BPTF: variants seen among roughly 807,000 people sequenced by gnomAD.
BPTF encodes the protein nucleosome-remodeling factor subunit BPTF.
BPTF carries 18 observed loss-of-function variants against 292.5 expected under a neutral mutation model. The ratio of observed to expected loss-of-function variants is 0.06; its 90% CI spans 0.04 to 0.09. The LOEUF (loss-of-function observed/expected upper bound fraction) is 0.09, where lower values mean the gene tolerates loss of function less well. Ranked by LOEUF, BPTF falls within the 10% of genes least tolerant of loss-of-function variation. The probability of loss-of-function intolerance (pLI) is 1.00; values close to 1 mark genes in which losing one functional copy is unlikely to be tolerated. For synonymous variants in BPTF, 1,225 were observed against 1,251.9 expected, an observed-to-expected ratio of 0.98 and a Z score of 0.45; for missense variants, 2,726 against 3,498.7, an observed-to-expected ratio of 0.78 and a Z score of 5.57.
At chr17:67,888,301 G>T (rs1024445284) in intron 4 of BPTF, among the ~76,000 whole-genome samples, 2 of 151,906 alleles carry the variant, frequency 1.3e-5, no homozygotes, top group African/African-American at 4.8e-5. Flanking sequence ...AATTTCAGTA[G>T]ATCTGGGCCG....
intron 2 of BPTF, among the ~76,000 whole-genome samples, chr17:67,858,516 C>T (rs949413228): frequency 2.1e-5 from 3 of 142,472 alleles, no homozygotes; most frequent in African/African-American, 8.1e-5. Flanking sequence ...GATGGCGCCA[C>T]TGTACTCCAG....
At chr17:67,909,188 GTTTT>G in intron 9 of BPTF, among the ~76,000 whole-genome samples, 1 of 118,686 alleles carries the variant, frequency 8.4e-6, no homozygotes, top group East Asian at 2.7e-4. Flanking sequence ...ACAGTTTTTT[GTTTT>G]TTTTTTAATT....
At chr17:67,923,469 GTCTTTTT>G (rs2063603727) in intron 14 of BPTF, among the ~76,000 whole-genome samples, 1 of 108,470 alleles carries the variant, frequency 9.2e-6, no homozygotes, top group African/African-American at 3.6e-5. Flanking sequence ...CTCTCTCTCT[GTCTTTTT>G]TTTTTTTTTT....
intron 7 of BPTF, among the ~76,000 whole-genome samples, chr17:67,894,571 G>A (rs2061326112): frequency 2.0e-5 from 3 of 152,070 alleles, no homozygotes; most frequent in African/African-American, 7.2e-5. Flanking sequence ...CTTGTGATCT[G>A]CCCTCCTCGG....
chr17:67,974,678 G>A (rs6416955), intron 26 of BPTF: 137,538 of 152,340 alleles, frequency 0.9, 63,729 homozygotes, highest in East Asian at 1. Context: ...TAGGCTTACC[G>A]GTTTCTCAAG....
intron 4 of BPTF, chr17:67,886,387 G>T: frequency 1.8e-6 from 2 of 1,100,402 alleles, no homozygotes; most frequent in Non-Finnish European, 2.4e-6. Context: ...GTGTGTGTGT[G>T]TGTGGTTTTT....
chr17:67,865,838 C>T (rs2059360685), intron 2 of BPTF, among the ~76,000 whole-genome samples: 4 of 152,184 alleles, frequency 2.6e-5, no homozygotes, highest in Admixed American at 2.6e-4. Flanking sequence ...CTCTTCTCTC[C>T]AGTTTGGGCT....
At chr17:67,848,552 A>G (rs2058193078) in intron 1 of BPTF, among the ~76,000 whole-genome samples, 1 of 152,224 alleles carries the variant, frequency 6.6e-6, no homozygotes, top group African/African-American at 2.4e-5. Flanking sequence ...TCAGCAAAGT[A>G]AGGCAATTTC....
In BPTF at chr17:67,940,624, A is replaced by G. The variant is rs1555671544; in HGVS notation, c.6445A>G (p.Met2149Val). ...CCAACAAGGACAAGTGAAGCTCACC[A>G]TGGCTCAACTTACTCAGTTAACACA... ...RPQQGQVKLTMAQLTQLTQGH... is the reference protein window; with the variant it reads ...RPQQGQVKLTVAQLTQLTQGH... The change falls in exon 19 of 28, where the codon ATG becomes GTG. Residue 2149 changes from methionine to valine, a missense_variant. Coordinates refer to ENST00000306378, the MANE Select transcript of BPTF (RefSeq NM_182641.4). The G allele has an allele frequency of 6.2e-6, 10 of 1,614,074 alleles. No homozygotes were observed. Among genetic ancestry groups the G allele is most frequent in the South Asian group, 2.2e-5 (2 of 91,094 alleles).
chr17:67,967,328 G>A (rs1357882985), intron 26 of BPTF, among the ~76,000 whole-genome samples: 1 of 150,378 alleles, frequency 6.6e-6, no homozygotes. Context: ...TTTTTGTAGA[G>A]ACAGGGTTTC....
At chr17:67,868,205 T>A (rs1204878497) in intron 3 of BPTF, among the ~76,000 whole-genome samples, 1 of 152,186 alleles carries the variant, frequency 6.6e-6, no homozygotes, top group African/African-American at 2.4e-5. Flanking sequence ...TTAAATAGTA[T>A]AAAGGGTATG....
intron 27 of BPTF, among the ~76,000 whole-genome samples, chr17:67,981,052 A>T (rs1309117851): frequency 6.6e-6 from 1 of 152,130 alleles, no homozygotes; most frequent in Non-Finnish European, 1.5e-5. Flanking sequence ...CCAGCTACCC[A>T]GGAGGCTGAG....
chr17:67,835,189 T>A (rs1237288640), intron 1 of BPTF, among the ~76,000 whole-genome samples: 3 of 151,736 alleles, frequency 2.0e-5, no homozygotes. Context: ...CCAGCCTGGG[T>A]GACAGAGTGA....
At chr17:67,845,292 C>T (rs976971332) in intron 1 of BPTF, among the ~76,000 whole-genome samples, 10 of 152,198 alleles carry the variant, frequency 6.6e-5, no homozygotes, top group African/African-American at 2.4e-4. Context: ...CAACCTTTCA[C>T]CCAGTAGTTT....
intron 4 of BPTF, among the ~76,000 whole-genome samples, chr17:67,883,316 AAAT>A (rs147586034): frequency 9.0e-4 from 137 of 151,914 alleles, no homozygotes; most frequent in African/African-American, 2.8e-3. Context: ...ACTCCATCTA[AAAT>A]AATAATAATA....
chr17:67,845,324 G>C (rs530393181), intron 1 of BPTF, among the ~76,000 whole-genome samples: 31 of 152,314 alleles, frequency 2.0e-4, no homozygotes, highest in African/African-American at 7.5e-4. Context: ...GATGGTTCTT[G>C]CTTGAATCAG....
chr17:67,918,615 C>T, intron 11 of BPTF, 99 bp from the exon 12 acceptor site: 1 of 1,166,890 alleles, frequency 8.6e-7, no homozygotes, highest in Non-Finnish European at 1.2e-6. Flanking sequence ...CTAATGAGGA[C>T]AAGAAACACA....
intron 1 of BPTF, among the ~76,000 whole-genome samples, chr17:67,829,827 TAAG>T (rs1351633448): frequency 6.6e-6 from 1 of 152,186 alleles, no homozygotes; most frequent in African/African-American, 2.4e-5. Context: ...ATTCCTAACA[TAAG>T]AAATAGCTCA....
At chr17:67,840,408 A>G (rs2057457375) in intron 1 of BPTF, among the ~76,000 whole-genome samples, 1 of 151,856 alleles carries the variant, frequency 6.6e-6, no homozygotes, top group South Asian at 2.1e-4. Flanking sequence ...TGCCTGGCCA[A>G]GATACCAAAA....
Sources: gnomAD v4.1 joint callset for allele counts (sites outside exome capture counted in the v4.1 genomes callset) on GRCh38, gnomAD v4.1.1 for gene constraint, MANE v1.5 for transcripts, NCBI Gene and HGNC (gene_info 2026-07-23, HGNC 2026-07-21) for gene names.